SLC39A11: variants seen among roughly 807,000 people sequenced by gnomAD.
SLC39A11 encodes solute carrier family 39 member 11, also known as zinc transporter ZIP11.
In SLC39A11, 33 loss-of-function variants were observed where a neutral mutation model predicts 36.1. That is an observed-to-expected ratio of 0.91 (90% CI 0.69 to 1.22). The LOEUF is 1.22. Ranked by LOEUF, SLC39A11 falls within the 50% of genes most tolerant of loss-of-function variation. The pLI is 0.00. For missense variants in SLC39A11, 432 were observed against 430.3 expected, an observed-to-expected ratio of 1.00 and a Z score of -0.03; for synonymous variants, 166 against 170.3, an observed-to-expected ratio of 0.97 and a Z score of 0.20.
intron 5 of SLC39A11, among the ~76,000 whole-genome samples, chr17:72,936,754 T>TA (rs1349157753): frequency 8.4e-6 from 1 of 119,144 alleles, no homozygotes; most frequent in Admixed American, 9.2e-5. Context: ...AGGTGGGGGG[T>TA]AGGGGGTGGT....
At chr17:72,658,642 C>T (rs1374996909) in intron 7 of SLC39A11, among the ~76,000 whole-genome samples, 3 of 152,188 alleles carry the variant, frequency 2.0e-5, no homozygotes, top group African/African-American at 7.2e-5. Flanking sequence ...GAGATGCAGA[C>T]AAGTACAATG....
At chr17:72,934,595 C>T (rs368105193) in intron 5 of SLC39A11, among the ~76,000 whole-genome samples, 3 of 152,002 alleles carry the variant, frequency 2.0e-5, no homozygotes, top group African/African-American at 4.8e-5. Context: ...GAACCTGGGA[C>T]GCGGAGGTTG....
intron 3 of SLC39A11, among the ~76,000 whole-genome samples, chr17:73,058,057 T>A (rs2144136414): frequency 6.7e-6 from 1 of 150,256 alleles, no homozygotes. Context: ...GTGGGAAAAG[T>A]CTCCATTTGT....
At chr17:72,841,263 C>G (rs893049544) in intron 6 of SLC39A11, among the ~76,000 whole-genome samples, 1 of 152,176 alleles carries the variant, frequency 6.6e-6, no homozygotes, top group Non-Finnish European at 1.5e-5. Context: ...CTCCATCTAT[C>G]AGGGGCAAAT....
chr17:72,885,590 C>G (rs1469841504), intron 5 of SLC39A11, among the ~76,000 whole-genome samples: 1 of 152,176 alleles, frequency 6.6e-6, no homozygotes, highest in Non-Finnish European at 1.5e-5. Context: ...TCTAAAATCT[C>G]AATGGCAGGC....
At chr17:72,826,878 G>T (rs763735345) in intron 6 of SLC39A11, among the ~76,000 whole-genome samples, 33 of 152,176 alleles carry the variant, frequency 2.2e-4, no homozygotes, top group Non-Finnish European at 3.8e-4. Flanking sequence ...TAGAGAAACG[G>T]AACCCTCCTA....
intron 7 of SLC39A11, among the ~76,000 whole-genome samples, chr17:72,672,910 T>C (rs1439991069): frequency 1.3e-5 from 2 of 151,644 alleles, no homozygotes; most frequent in African/African-American, 4.8e-5. Context: ...CGCCTAACCC[T>C]GCTTCAATAA....
chr17:72,919,655 G>A (rs1234970869), intron 5 of SLC39A11, among the ~76,000 whole-genome samples: 5 of 134,998 alleles, frequency 3.7e-5, no homozygotes, highest in Non-Finnish European at 7.6e-5. Flanking sequence ...CTGGGCGACA[G>A]AGGGAGAGTC....
chr17:72,932,614 G>A (rs946121966), intron 5 of SLC39A11, among the ~76,000 whole-genome samples: 19 of 152,008 alleles, frequency 1.2e-4, no homozygotes, highest in African/African-American at 4.6e-4. Flanking sequence ...ATTCTCCAAA[G>A]TTTCCAATAT....
At chr17:73,042,420 C>T (rs1287919890) in intron 3 of SLC39A11, among the ~76,000 whole-genome samples, 1 of 152,136 alleles carries the variant, frequency 6.6e-6, no homozygotes, top group Non-Finnish European at 1.5e-5. Flanking sequence ...GTTTATTGAA[C>T]CAAAGGAACA....
At chr17:72,817,592 A>G (rs1424051762) in intron 6 of SLC39A11, among the ~76,000 whole-genome samples, 2 of 152,202 alleles carry the variant, frequency 1.3e-5, no homozygotes, top group Non-Finnish European at 2.9e-5. Context: ...GAAGCGCTCA[A>G]TGGATGATGG....
intron 5 of SLC39A11, among the ~76,000 whole-genome samples, chr17:72,883,948 A>G (rs944706835): frequency 6.6e-6 from 1 of 152,138 alleles, no homozygotes; most frequent in East Asian, 1.9e-4. Flanking sequence ...TGAGCTCGGG[A>G]GTTCCAGACC....
At chr17:72,758,130 C>T (rs916614057) in intron 6 of SLC39A11, among the ~76,000 whole-genome samples, 1 of 152,170 alleles carries the variant, frequency 6.6e-6, no homozygotes, top group African/African-American at 2.4e-5. Context: ...AGGTGATCCA[C>T]TCGCCTCCGC....
rs536560399 is a variant in SLC39A11, at chr17:72,891,282, G to A, written c.431-41478C>T. On this transcript the variant is annotated intron_variant, in intron 5 of 9. Transcript: ENST00000255559. ...ACTAAAAATACAAAATTAGCTGGGC[G>A]TGGTGGCACATGCCTGTAATCCCAG... Among the ~76,000 whole-genome samples, 5 of 152,230 alleles carry A rather than the reference G, an allele frequency of 3.3e-5. No individual in the cohort carries two copies. In the East Asian group the frequency reaches 5.8e-4, roughly 18 times the overall value.
At chr17:73,030,090 C>A (rs933161754) in intron 4 of SLC39A11, among the ~76,000 whole-genome samples, 2 of 152,226 alleles carry the variant, frequency 1.3e-5, no homozygotes, top group Non-Finnish European at 2.9e-5. Context: ...GGATCCCTCA[C>A]ATGCGCAGCT....
chr17:72,711,303 A>G (rs756300741), intron 7 of SLC39A11, among the ~76,000 whole-genome samples: 1 of 152,190 alleles, frequency 6.6e-6, no homozygotes, highest in Non-Finnish European at 1.5e-5. Context: ...CTGGCCAAAA[A>G]AATGTGAAGG....
intron 7 of SLC39A11, among the ~76,000 whole-genome samples, chr17:72,705,680 C>G (rs1370507667): frequency 6.6e-6 from 1 of 152,204 alleles, no homozygotes; most frequent in Non-Finnish European, 1.5e-5. Flanking sequence ...AAGGTCCCTG[C>G]TCTTACATTA....
chr17:73,082,484 T>G (rs1249601154), intron 3 of SLC39A11, among the ~76,000 whole-genome samples: 1 of 152,190 alleles, frequency 6.6e-6, no homozygotes, highest in East Asian at 1.9e-4. Context: ...TTTTCTTTTT[T>G]GTTTTGTTTT....
chr17:72,828,067 G>T (rs1450307940), intron 6 of SLC39A11, among the ~76,000 whole-genome samples: 2 of 152,210 alleles, frequency 1.3e-5, no homozygotes, highest in African/African-American at 4.8e-5. Context: ...TCTGATAGTG[G>T]TCCTCTGGCC....
Sources: allele counts gnomAD v4.1 joint callset (sites outside exome capture counted in the v4.1 genomes callset), GRCh38; gene constraint gnomAD v4.1.1; transcripts MANE v1.5; gene names NCBI Gene and HGNC (gene_info 2026-07-23, HGNC 2026-07-21).